The following TAF12 variants were observed in gnomAD, a reference collection of about 807,000 sequenced individuals.
TAF12 encodes the protein transcription initiation factor TFIID subunit 12.
TAF12 carries 3 observed loss-of-function variants against 20.8 expected under a neutral mutation model. That is an observed-to-expected ratio of 0.14 (90% CI 0.07 to 0.37). The LOEUF is 0.37. Among genes scored for constraint, TAF12 ranks in the 10% least tolerant of loss-of-function variants. The pLI is 1.00. For synonymous variants in TAF12, 69 were observed against 70.2 expected (o/e 0.98, Z 0.09); for missense variants, 131 against 197.9 (o/e 0.66, Z 2.03).
intron 1 of TAF12, among the ~76,000 whole-genome samples, chr1:28,642,266 C>T (rs934934528): frequency 6.6e-6 from 1 of 152,182 alleles, no homozygotes; most frequent in African/African-American, 2.4e-5. Context: ...AAGTTGTCTT[C>T]CCCTGAATAC....
intron 1 of TAF12, among the ~76,000 whole-genome samples, chr1:28,637,614 G>A (rs1250757463): frequency 6.6e-6 from 1 of 151,134 alleles, no homozygotes; most frequent in African/African-American, 2.4e-5. Context: ...GCAGTGAGCC[G>A]AGATCACACC....
At chr1:28,647,151 A>C (rs1225575877), upstream of TAF12, among the ~76,000 whole-genome samples, 1 of 152,146 alleles carries the variant, frequency 6.6e-6, no homozygotes, top group Non-Finnish European at 1.5e-5. Flanking sequence ...ATTTATTTTT[A>C]TATATATACG....
At chr1:28,614,326 G>A (rs1666961202) in intron 3 of TAF12, among the ~76,000 whole-genome samples, 1 of 152,146 alleles carries the variant, frequency 6.6e-6, no homozygotes, top group African/African-American at 2.4e-5. Context: ...AACTTTGGGA[G>A]GCTGAGGTGG....
chr1:28,632,857 T>C (rs1015700813), intron 1 of TAF12, among the ~76,000 whole-genome samples: 2 of 152,076 alleles, frequency 1.3e-5, no homozygotes, highest in African/African-American at 4.8e-5. Context: ...TTATTGTATA[T>C]AAATTTTAAA....
In TAF12 at chr1:28,628,228, TGGGGGGGG is replaced by T. The variant is rs760486849; in HGVS notation, c.-84-6071_-84-6064del. 2.1e-3 allele frequency among the ~76,000 whole-genome samples: 8 copies of T among 3,872 alleles called. 1 individual carries two copies. Among genetic ancestry groups the T allele is most frequent in the Admixed American group, 0.013 (3 of 238 alleles). 2.5% of individuals were successfully genotyped at this position (3,872 alleles called of 152,430 possible). On this transcript the variant is annotated intron_variant, in intron 1 of 5. Transcript: ENST00000373824. ...AATTAGCCAGACACGGTGCAGGGGGTGGGGGGGGGGGGGGCGCCTGTAATCCCTTGGGA... is the reference window on the plus strand; with the variant it reads ...AATTAGCCAGACACGGTGCAGGGGGTGGGGGGCGCCTGTAATCCCTTGGGA...
chr1:28,631,663 C>A (rs560939472), intron 1 of TAF12, among the ~76,000 whole-genome samples: 1 of 152,186 alleles, frequency 6.6e-6, no homozygotes, highest in South Asian at 2.1e-4. Context: ...GACCCTGGCT[C>A]TTTATTTATT....
At chr1:28,638,007 A>G (rs1483173987) in intron 1 of TAF12, among the ~76,000 whole-genome samples, 6 of 151,738 alleles carry the variant, frequency 4.0e-5, no homozygotes, top group Non-Finnish European at 7.4e-5. Flanking sequence ...AATTATTATT[A>G]TTATTTTTTT....
intron 1 of TAF12, among the ~76,000 whole-genome samples, chr1:28,642,467 G>A (rs543754836): frequency 6.6e-6 from 1 of 152,108 alleles, no homozygotes; most frequent in African/African-American, 2.4e-5. Context: ...CCCGGATCCC[G>A]TCCCCAAAGA....
At chr1:28,634,304 T>C (rs1667741304) in intron 1 of TAF12, among the ~76,000 whole-genome samples, 2 of 150,392 alleles carry the variant, frequency 1.3e-5, no homozygotes, top group South Asian at 4.2e-4. Flanking sequence ...TAATCTCAGC[T>C]ATTTAGGAGG....
At position 28,632,119 on chromosome 1, in the gene TAF12, T is replaced by C. The variant is rs568040622; in HGVS notation, c.-84-9954A>G. Among the ~76,000 whole-genome samples the C allele has an allele frequency of 9.9e-5, 15 of 152,238 alleles. No individual in the cohort carries two copies. In the South Asian group the frequency reaches 2.9e-3, roughly 29 times the overall value. On this transcript the variant is annotated intron_variant, in intron 1 of 5. Transcript: ENST00000373824. ...AATGGTGAATAAACAAATTATGGTATATCCATTCAATGGAATACTCAGAAA... is the reference window on the plus strand; with the variant it reads ...AATGGTGAATAAACAAATTATGGTACATCCATTCAATGGAATACTCAGAAA...
At chr1:28,621,393 G>A (rs1376996607) in intron 2 of TAF12, among the ~76,000 whole-genome samples, 1 of 152,156 alleles carries the variant, frequency 6.6e-6, no homozygotes, top group Non-Finnish European at 1.5e-5. Flanking sequence ...ATTAATAATG[G>A]CAGCAATTGG....
chr1:28,613,983 T>C (rs1666949413), intron 3 of TAF12, among the ~76,000 whole-genome samples: 2 of 152,190 alleles, frequency 1.3e-5, no homozygotes, highest in Non-Finnish European at 2.9e-5. Flanking sequence ...CTCACGCCTG[T>C]AACCCCAGCA....
At chr1:28,606,951 T>C (rs1666686722) in intron 4 of TAF12, among the ~76,000 whole-genome samples, 1 of 152,182 alleles carries the variant, frequency 6.6e-6, no homozygotes, top group South Asian at 2.1e-4. Context: ...GGTAAACATA[T>C]AGGTATGGAT....
Position 28,603,451 on chromosome 1 carries a change from A to G in TAF12, c.*88T>C. 1 of 1,413,682 alleles carries G rather than the reference A, an allele frequency of 7.1e-7. No individual in the cohort carries two copies. The highest frequency in any genetic ancestry group is 9.9e-7 in the Non-Finnish European group (1 of 1,008,324). The allele number at this position is 1,413,682 out of a possible 1,614,324, so 87.6% of individuals were successfully genotyped here. A position where few individuals can be genotyped will look rare whatever the true frequency, so the allele number is the denominator to read the frequency against. ...ATATATGCTTCTCTGTAAAGCATTA[A>G]AAAAAAAAATCCAAGGATGAGATGG... is the stretch of plus-strand genomic sequence containing the variant. On this transcript the variant is annotated 3_prime_UTR_variant, in exon 6 of 6. Transcript: ENST00000373824.
chr1:28,608,721 CT>C (rs970415863), intron 4 of TAF12, among the ~76,000 whole-genome samples: 1 of 151,424 alleles, frequency 6.6e-6, no homozygotes, highest in Non-Finnish European at 1.5e-5. Flanking sequence ...TGCCACTGCA[CT>C]CCAGTCTGGG....
At chr1:28,632,766 T>C (rs892598523) in intron 1 of TAF12, among the ~76,000 whole-genome samples, 2 of 152,158 alleles carry the variant, frequency 1.3e-5, no homozygotes, top group Non-Finnish European at 1.5e-5. Flanking sequence ...GAAATTGTTC[T>C]GTATCTTGAG....
intron 1 of TAF12, among the ~76,000 whole-genome samples, chr1:28,628,110 C>T (rs375724419): frequency 6.6e-6 from 1 of 151,326 alleles, no homozygotes; most frequent in African/African-American, 2.4e-5. Context: ...AAACACTGTA[C>T]TACTAGATAT....
chr1:28,629,258 G>A (rs1164627566), intron 1 of TAF12, among the ~76,000 whole-genome samples: 1 of 152,088 alleles, frequency 6.6e-6, no homozygotes, highest in Non-Finnish European at 1.5e-5. Flanking sequence ...ATGTGCATAT[G>A]TTACCTATGG....
chr1:28,607,849 A>C (rs1199171163), intron 4 of TAF12, among the ~76,000 whole-genome samples: 1 of 151,626 alleles, frequency 6.6e-6, no homozygotes, highest in Non-Finnish European at 1.5e-5. Context: ...AAAAGAAAAC[A>C]AAAAGGGCCA....
Sources: allele counts gnomAD v4.1 joint callset (sites outside exome capture counted in the v4.1 genomes callset), GRCh38; gene constraint gnomAD v4.1.1; transcripts MANE v1.5; gene names NCBI Gene and HGNC (gene_info 2026-07-23, HGNC 2026-07-21).